Variants in DAGLA observed in about 807,000 individuals in gnomAD.
DAGLA encodes diacylglycerol lipase alpha, also known as diacylglycerol lipase-alpha.
In DAGLA, 22 loss-of-function variants were observed where a neutral mutation model predicts 102.6. The ratio of observed to expected loss-of-function variants is 0.21; its 90% CI spans 0.15 to 0.31. DAGLA has a LOEUF of 0.31. DAGLA is among the 10% of genes least tolerant of loss of function. The pLI, the probability that DAGLA is intolerant of heterozygous loss-of-function variation, is 1.00. For missense variants in DAGLA, 927 were observed against 1,446.6 expected, an observed-to-expected ratio of 0.64 and a Z score of 5.83; for synonymous variants, 578 against 628.9, an observed-to-expected ratio of 0.92 and a Z score of 1.21.
intron 1 of DAGLA, among the ~76,000 whole-genome samples, chr11:61,682,255 T>A (rs575782328): frequency 6.6e-6 from 1 of 152,144 alleles, no homozygotes; most frequent in Admixed American, 6.5e-5. Context: ...TGGAAACACT[T>A]TGCAAACAGC....
intron 1 of DAGLA, among the ~76,000 whole-genome samples, chr11:61,683,309 C>T (rs188472731): frequency 3.3e-5 from 5 of 152,320 alleles, no homozygotes; most frequent in East Asian, 1.9e-4. Context: ...GCCCTGTCCC[C>T]GTAGCTGCCA....
chr11:61,693,878 T>C (rs2065043803), intron 1 of DAGLA, among the ~76,000 whole-genome samples: 1 of 152,204 alleles, frequency 6.6e-6, no homozygotes, highest in Admixed American at 6.5e-5. Flanking sequence ...GAGTCTTCCC[T>C]GATGATGCCC....
chr11:61,735,725 C>A lies in DAGLA; in HGVS notation c.1213-14C>A, dbSNP rs2065417083. Reference sequence around the variant, plus strand: ...TCTTTAGCCGCCCCCTCACCTGTCTCCTCTCTCCCCAAGGATGCCCTGACT... The same window carrying A: ...TCTTTAGCCGCCCCCTCACCTGTCTACTCTCTCCCCAAGGATGCCCTGACT... On this transcript the variant is annotated splice_polypyrimidine_tract_variant and intron_variant, in intron 11 of 19. Transcript: ENST00000257215. 1 of 1,613,466 alleles carries A rather than the reference C, an allele frequency of 6.2e-7. No homozygotes were observed. The highest frequency in any genetic ancestry group is 8.5e-7 in the Non-Finnish European group (1 of 1,179,714).
chr11:61,722,314 G>A (rs533990199), intron 3 of DAGLA, among the ~76,000 whole-genome samples: 1 of 152,332 alleles, frequency 6.6e-6, no homozygotes, highest in East Asian at 1.9e-4. Flanking sequence ...GGCCAGGCGC[G>A]GTGGCTCATG....
At position 61,737,279 on chromosome 11, in the gene DAGLA, C is replaced by T. The variant is rs772598847; in HGVS notation, c.1469C>T (p.Pro490Leu). The change falls in exon 14 of 20, where the codon CCG (proline) becomes CTG (leucine). Residue 490 changes from proline to leucine, a missense_variant. Transcript: ENST00000257215. Reference protein sequence around the residue: ...ILSFLLRPQYPTLKCFAYSPP... With the variant: ...ILSFLLRPQYLTLKCFAYSPP... ...TCCTTCCTTCTGCGCCCACAGTATC[C>T]GACCCTCAAGTGCTTTGCCTACTCC... 1 of 1,612,838 alleles carries T rather than the reference C, an allele frequency of 6.2e-7. No individual in the cohort carries two copies. Among genetic ancestry groups the T allele is most frequent in the Non-Finnish European group, 8.5e-7 (1 of 1,180,028 alleles).
chr11:61,691,936 A>G (rs2065027659), intron 1 of DAGLA, among the ~76,000 whole-genome samples: 1 of 152,110 alleles, frequency 6.6e-6, no homozygotes, highest in African/African-American at 2.4e-5. Context: ...CTTGTGACAG[A>G]CTCAGCATCG....
intron 19 of DAGLA, among the ~76,000 whole-genome samples, chr11:61,743,317 C>T (rs765685711): frequency 1.3e-5 from 2 of 148,492 alleles, no homozygotes; most frequent in African/African-American, 2.5e-5. Flanking sequence ...GAGCCAAGAT[C>T]GTGCCACTGC....
chr11:61,741,478 C>T, intron 19 of DAGLA, 129 bp downstream of exon 19: 1 of 1,042,352 alleles, frequency 9.6e-7, no homozygotes, highest in Non-Finnish European at 1.4e-6. Context: ...GGGTCAAACT[C>T]ACCCTCTGTG....
At chr11:61,685,796 G>C (rs1334891653) in intron 1 of DAGLA, among the ~76,000 whole-genome samples, 5 of 144,816 alleles carry the variant, frequency 3.5e-5, no homozygotes, top group African/African-American at 1.2e-4. Flanking sequence ...GCTTGTAGAG[G>C]AACTGGCAGC....
rs185602134 is a variant in DAGLA, at chr11:61,683,605, C to T, written c.-45+3101C>T. 3.3e-5 allele frequency among the ~76,000 whole-genome samples: 5 copies of T among 152,256 alleles called. No individual in the cohort carries two copies. In the East Asian group the frequency reaches 9.7e-4, roughly 29 times the overall value. On this transcript the variant is annotated intron_variant, in intron 1 of 19. Transcript: ENST00000257215. ...TGTGGCTCAGCCTTATGGTTTGGGG[C>T]TCCAGGAGCCCTTTTCAGCCACCCT...
intron 1 of DAGLA, among the ~76,000 whole-genome samples, chr11:61,701,465 C>G (rs992814024): frequency 1.3e-5 from 2 of 152,178 alleles, no homozygotes; most frequent in African/African-American, 4.8e-5. Flanking sequence ...CCTCTGGTCT[C>G]GTGGATTGTA....
intron 7 of DAGLA, 43 bp from the exon 8 acceptor site, chr11:61,728,888 G>T (rs2065352679): frequency 1.9e-6 from 3 of 1,578,444 alleles, no homozygotes; most frequent in South Asian, 1.1e-5. Context: ...ATGCAGCCGG[G>T]CCTGGGCCAG....
At chr11:61,688,314 CAAAA>C (rs1186217122) in intron 1 of DAGLA, among the ~76,000 whole-genome samples, 1 of 73,368 alleles carries the variant, frequency 1.4e-5, no homozygotes, top group Admixed American at 1.6e-4. Flanking sequence ...AACTCTGTCT[CAAAA>C]AAAAAAAAAA....
intron 6 of DAGLA, 151 bp downstream of exon 6, chr11:61,726,233 G>A: frequency 1.4e-6 from 1 of 734,270 alleles, no homozygotes. Context: ...CTCACACAGG[G>A]CCTGTTATTC....
chr11:61,701,106 A>T (rs980550129), intron 1 of DAGLA, among the ~76,000 whole-genome samples: 12 of 152,218 alleles, frequency 7.9e-5, no homozygotes, highest in Admixed American at 7.8e-4. Flanking sequence ...GCCAGGCCCC[A>T]TGTCCAGCCT....
At chr11:61,690,666 A>C (rs1454526954) in intron 1 of DAGLA, among the ~76,000 whole-genome samples, 2 of 152,144 alleles carry the variant, frequency 1.3e-5, no homozygotes, top group Non-Finnish European at 1.5e-5. Flanking sequence ...GGAATCTGTT[A>C]GAGGCTGCGT....
At chr11:61,740,340 C>A in intron 17 of DAGLA, 123 bp from the exon 18 acceptor site, 2 of 1,315,666 alleles carry the variant, frequency 1.5e-6, no homozygotes, top group Non-Finnish European at 2.1e-6. Flanking sequence ...GCCAGGCAGG[C>A]CAGGGGCCTC....
intron 1 of DAGLA, among the ~76,000 whole-genome samples, chr11:61,691,677 A>G (rs1310770818): frequency 1.3e-5 from 2 of 152,240 alleles, no homozygotes; most frequent in Non-Finnish European, 2.9e-5. Context: ...GACCTCCTCG[A>G]GTCTCCATAA....
intron 1 of DAGLA, among the ~76,000 whole-genome samples, chr11:61,683,227 C>T (rs1004491087): frequency 2.6e-5 from 4 of 152,330 alleles, no homozygotes; most frequent in African/African-American, 4.8e-5. Context: ...AGTGTCAAGC[C>T]ATGTGGGTGG....
Sources: allele counts gnomAD v4.1 joint callset (sites outside exome capture counted in the v4.1 genomes callset), GRCh38; gene constraint gnomAD v4.1.1; transcripts MANE v1.5; gene names NCBI Gene and HGNC (gene_info 2026-07-23, HGNC 2026-07-21).